The following IFT172 variants were observed in gnomAD, a reference collection of about 807,000 sequenced individuals.
The protein encoded by IFT172 is intraflagellar transport 172.
In IFT172, 164 loss-of-function variants were observed where a neutral mutation model predicts 248.9. The observed-to-expected ratio is 0.66, with a 90% CI of 0.58 to 0.75. IFT172 has a LOEUF of 0.75. Among genes scored for constraint, IFT172 ranks in the 30% least tolerant of loss-of-function variants. IFT172 has a pLI of 0.00. For synonymous variants in IFT172, 729 were observed against 791.6 expected (o/e 0.92, Z 1.33); for missense variants, 1,950 against 2,192.4 (o/e 0.89, Z 2.21).
chr2:27,456,579 C>T lies in IFT172; in HGVS notation c.3303G>A (p.Glu1101=). The change falls in exon 30 of 48, where the codon GAG becomes GAA. Residue 1101 remains glutamate (E), a synonymous_variant. Coordinates refer to ENST00000260570, the MANE Select transcript of IFT172 (RefSeq NM_015662.3). ...AYLWAKSLGG[E]AAVRLLNKLG... is the part of the protein sequence containing the mutation. ...GCTTATTAAGCAGTCTAACTGCAGC[C>T]TCTCCTCCCAGGCTCTTTGCCCACA... The T allele has an allele frequency of 6.2e-7, 1 of 1,614,156 alleles. No individual in the cohort carries two copies. The highest frequency in any genetic ancestry group is 8.5e-7 in the Non-Finnish European group (1 of 1,180,034).
rs755902957 is a variant in IFT172 at position 27,478,066 on chromosome 2, C to T, written c.1096G>A (p.Glu366Lys). The T allele has an allele frequency of 6.2e-6, 10 of 1,614,220 alleles. No homozygotes were observed. In the South Asian group the frequency reaches 8.8e-5, roughly 14 times the overall value. ...EVEEVKILGK[E>K]RYLVAHTSET... is the part of the protein sequence containing the mutation. The stretch of plus-strand genomic sequence containing the variant: ...GATGTGTGAGCCACCAAGTAACGTT[C>T]CTTTCCTAGGATTTTCACCTCTTCC... Residue 366 changes from glutamate (E) to lysine (K), a missense_variant, in exon 11 of 48, where the codon GAA becomes AAA. Physicochemically the swap from Glu to Lys is moderately conservative, Grantham distance 56. Coordinates refer to ENST00000260570, the MANE Select transcript of IFT172 (RefSeq NM_015662.3).
At chr2:27,449,439 G>A (rs1665453236) in intron 38 of IFT172, 59 bp from the exon 39 acceptor site, 1 of 1,612,862 alleles carries the variant, frequency 6.2e-7, no homozygotes, top group Admixed American at 1.7e-5. Flanking sequence ...GAAAGAAGAG[G>A]GAGAGAGTCT....
At chr2:27,453,140 T>C (rs1273032036) in intron 35 of IFT172, 2 of 645,660 alleles carry the variant, frequency 3.1e-6, no homozygotes, top group African/African-American at 3.6e-5. Flanking sequence ...TCAGATATGA[T>C]AGTAATTGAG....
rs1489804034 is a variant in IFT172, at chr2:27,457,762, G to A, written c.3112-7C>T. On this transcript the variant is annotated splice_polypyrimidine_tract_variant and splice_region_variant and intron_variant, in intron 28 of 47. Coordinates refer to ENST00000260570, the MANE Select transcript of IFT172 (RefSeq NM_015662.3). ...GGCCTTCAGCCTCCAGCTCCTGCAG[G>A]AAGGTGAGTCAGGATGGAGAGATGG... 9 of 1,614,086 alleles carry A rather than the reference G, an allele frequency of 5.6e-6. No homozygotes were observed. The highest frequency in any genetic ancestry group is 6.8e-6 in the Non-Finnish European group (8 of 1,179,990).
chr2:27,480,196 A>G (rs1558409691), intron 8 of IFT172, 47 bp from the exon 9 acceptor site: 24 of 1,584,560 alleles, frequency 1.5e-5, no homozygotes, highest in Non-Finnish European at 1.9e-5. Flanking sequence ...GCTGAGCTAA[A>G]GAGTGCAAAT....
rs1271431771 is a variant in IFT172 at position 27,458,781 on chromosome 2, T to C, written c.2875A>G (p.Lys959Glu). ...TQAGRWEQAHKLAMKCMRPED... is the reference protein window; with the variant it reads ...TQAGRWEQAHELAMKCMRPED... ...TCATGAACTCCACCCATCCCTACCT[T>C]GTGGGCTTGTTCCCAACGACCAGCC... The change falls in exon 26 of 48, where the codon AAG becomes GAG. Residue 959 changes from lysine to glutamate, a missense_variant and splice_region_variant. This residue lies in a region of IFT172 where 1,166 missense variants were observed against 1,254.1 expected (regional missense o/e 0.93). Transcript: ENST00000260570. The C allele has an allele frequency of 1.9e-6, 3 of 1,613,976 alleles. No homozygotes were observed. The highest frequency in any genetic ancestry group is 2.5e-6 in the Non-Finnish European group (3 of 1,179,992).
chr2:27,446,606 C>A, intron 42 of IFT172: 1 of 340,426 alleles, frequency 2.9e-6, no homozygotes, highest in Non-Finnish European at 5.4e-6. Flanking sequence ...CTCTGCCTCC[C>A]GGATTCAAGT....
chr2:27,453,310 G>A, intron 35 of IFT172, 74 bp downstream of exon 35: 1 of 1,550,886 alleles, frequency 6.4e-7, no homozygotes. Flanking sequence ...AAGAGCTGAA[G>A]ATGTGAGAAG....
rs1668131672 is a variant in IFT172 at position 27,478,561 on chromosome 2, G to A, written c.1006-405C>T. Among the ~76,000 whole-genome samples, 5 of 152,064 alleles carry A rather than the reference G, an allele frequency of 3.3e-5. No homozygotes were observed. The South Asian group carries it at 1.0e-3, about 32-fold the overall frequency. ...TGGGTTCAAGCAATCCTCCTGTCTC[G>A]GCCTTCTGAGTAGCTGAGACTACAG... On this transcript the variant is annotated intron_variant, in intron 10 of 47. Coordinates refer to ENST00000260570, the MANE Select transcript of IFT172 (RefSeq NM_015662.3).
At chr2:27,479,433 C>T in intron 10 of IFT172, 76 bp downstream of exon 10, 4 of 847,468 alleles carry the variant, frequency 4.7e-6, no homozygotes, top group Non-Finnish European at 8.2e-6. Flanking sequence ...ATGGCTGTGG[C>T]CAGAAGGCAG....
chr2:27,485,421 A>T lies in IFT172; in HGVS notation c.122T>A (p.Leu41Ter). ...FAVCTVDRVV[L>*]LYDEHGERRD... ...CCGTTCTCCATGTTCATCATACAGC[A>T]AGACCACTCGGTCCACTGTGCAGAC... The change falls in exon 2 of 48, where the codon TTG becomes TAG. Residue 41 changes from leucine (L) to a stop codon, truncating the protein, a stop_gained. Transcript: ENST00000260570. LOFTEE classifies it high-confidence loss of function. 1 of 1,614,218 alleles carries T rather than the reference A, an allele frequency of 6.2e-7. No individual in the cohort carries two copies. Among genetic ancestry groups the T allele is most frequent in the African/African-American group, 1.3e-5 (1 of 75,066 alleles).
rs867633277 is a variant in IFT172 at position 27,445,732 on chromosome 2, C to A, written c.4914+13G>T. The stretch of plus-strand genomic sequence containing the variant: ...TGGTGAGGCCTTCCGGTTTTCCAAC[C>A]CTGTGCCCTTACCGGTACATGCTGC... On this transcript the variant is annotated intron_variant, in intron 45 of 47. Coordinates refer to ENST00000260570, the MANE Select transcript of IFT172 (RefSeq NM_015662.3). The surrounding 1 kb of genome is among the most constrained non-coding windows in gnomAD (Gnocchi z 4.4). 6.2e-7 allele frequency: 1 copy of A among 1,614,096 alleles called. No homozygotes were observed. The highest frequency in any genetic ancestry group is 1.7e-4 in the Middle Eastern group (1 of 6,050).
Position 27,457,949 on chromosome 2 carries a change from A to C in IFT172, c.3003T>G (p.Asp1001Glu). 1 of 1,614,166 alleles carries C rather than the reference A, an allele frequency of 6.2e-7. No homozygotes were observed. Among genetic ancestry groups the C allele is most frequent in the Non-Finnish European group, 8.5e-7 (1 of 1,180,014 alleles). ...ERLYVTVQEP[D>E]LAITMYKKHK... ...GCTTTTTGTACATGGTGATGGCAAG[A>C]TCAGGCTCTTGTACTGTCACATATA... Residue 1001 changes from aspartate to glutamate, a missense_variant, in exon 28 of 48, where the codon GAT becomes GAG. By Grantham distance (45) the Asp-to-Glu change is conservative. Coordinates refer to ENST00000260570, the MANE Select transcript of IFT172 (RefSeq NM_015662.3).
Position 27,447,563 on chromosome 2 carries a change from G to T in IFT172, c.4611C>A (p.Ile1537=), listed in dbSNP as rs901644807. The change falls in exon 42 of 48, where the codon ATC becomes ATA. Residue 1537 remains isoleucine, a synonymous_variant. Transcript: ENST00000260570. ...CAGAGCGCGTGGCATAGTAATGAGC[G>T]ATCAGCAGCATCGTCTTGAACTCCT... ...AHEEFKTMLL[I]AHYYATRSAA... The T allele has an allele frequency of 6.2e-7, 1 of 1,614,136 alleles. No individual in the cohort carries two copies. Among genetic ancestry groups the T allele is most frequent in the Non-Finnish European group, 8.5e-7 (1 of 1,180,006 alleles).
rs561521973 is a variant in IFT172 at position 27,487,717 on chromosome 2, C to T, written c.39+1898G>A. On this transcript the variant is annotated intron_variant, in intron 1 of 47. Coordinates refer to ENST00000260570, the MANE Select transcript of IFT172 (RefSeq NM_015662.3). ...AAGCGATTCTCCTGCCTCAGCCTCC[C>T]GAGTAGCTGGGATTACAGGCATGCG... is the stretch of plus-strand genomic sequence containing the variant. Among the ~76,000 whole-genome samples, 17 of 151,760 alleles carry T rather than the reference C, an allele frequency of 1.1e-4. No homozygotes were observed. The South Asian group carries it at 3.1e-3, about 28-fold the overall frequency.
chr2:27,446,092 C>A, intron 43 of IFT172, 104 bp from the exon 44 acceptor site: 3 of 1,467,422 alleles, frequency 2.0e-6, no homozygotes, highest in Non-Finnish European at 2.9e-6. Context: ...GGCTTGAATG[C>A]TATTTCTCTG....
rs143520040 is a variant in IFT172, at chr2:27,472,315, G to C, written c.1459C>G (p.Arg487Gly). The C allele has an allele frequency of 6.2e-7, 1 of 1,614,102 alleles. No individual in the cohort carries two copies. The highest frequency in any genetic ancestry group is 1.7e-5 in the Admixed American group (1 of 59,996). Reference sequence around the variant, plus strand: ...TCATTAAGTTCCAGCCAATCCACACGGCTCTCATGGCTGACGGTGCCAATG... The same window carrying C: ...TCATTAAGTTCCAGCCAATCCACACCGCTCTCATGGCTGACGGTGCCAATG... ...YNIGTVSHESRVDWLELNETG... is the reference protein window; with the variant it reads ...YNIGTVSHESGVDWLELNETG... Residue 487 changes from arginine (R) to glycine (G), a missense_variant, in exon 15 of 48, where the codon CGT (arginine) becomes GGT (glycine). Transcript: ENST00000260570.
intron 43 of IFT172, 66 bp downstream of exon 43, chr2:27,446,194 G>A (rs1476606366): frequency 2.0e-6 from 3 of 1,491,812 alleles, no homozygotes; most frequent in Non-Finnish European, 2.8e-6. Context: ...CAGAGCAGAA[G>A]GGATATTCTA....
chr2:27,481,520 C>T (rs935676975), intron 7 of IFT172, among the ~76,000 whole-genome samples: 6 of 151,562 alleles, frequency 4.0e-5, no homozygotes, highest in African/African-American at 1.5e-4. Context: ...CCTCAAAATG[C>T]TTGTATATTG....
Sources: gnomAD v4.1 joint callset for allele counts (sites outside exome capture counted in the v4.1 genomes callset) on GRCh38, gnomAD v4.1.1 for gene constraint, gnomAD v4.1.1 regional missense constraint, Gnocchi (gnomAD v3.1) non-coding constraint, MANE v1.5 for transcripts, NCBI Gene and HGNC (gene_info 2026-07-23, HGNC 2026-07-21) for gene names.